Variants in SGTB observed in about 807,000 individuals in gnomAD.
SGTB encodes the protein small glutamine rich tetratricopeptide repeat co-chaperone beta, also known as small glutamine-rich tetratricopeptide repeat-containing protein beta.
SGTB carries 19 observed loss-of-function variants against 43.9 expected under a neutral mutation model. That is an observed-to-expected ratio of 0.43 (90% confidence interval 0.30 to 0.63). The LOEUF is 0.63. Ranked by LOEUF, SGTB falls within the 30% of genes least tolerant of loss-of-function variation. The probability of loss-of-function intolerance (pLI) is 0.12; values close to 1 mark genes in which losing one functional copy is unlikely to be tolerated. For missense variants in SGTB, 304 were observed against 358.9 expected, an observed-to-expected ratio of 0.85 and a Z score of 1.24; for synonymous variants, 116 against 117.3, an observed-to-expected ratio of 0.99 and a Z score of 0.07.
At chr5:65,684,085 A>G (rs1187635534) in intron 6 of SGTB, among the ~76,000 whole-genome samples, 1 of 151,178 alleles carries the variant, frequency 6.6e-6, no homozygotes, top group African/African-American at 2.4e-5. Flanking sequence ...CCAACTAATG[A>G]TTTTTTTTCT....
Position 65,680,733 on chromosome 5 carries a change from C to G in SGTB, c.541G>C (p.Asp181His), listed in dbSNP as rs1757379811. ...EAVTSYQKAL[D>H]LDPENDSYKS... Reference sequence around the variant, plus strand: ...TAGGAATCATTTTCAGGGTCAAGATCTAATGCCTTTTGATAACTTGTAACT... The same window carrying G: ...TAGGAATCATTTTCAGGGTCAAGATGTAATGCCTTTTGATAACTTGTAACT... Residue 181 changes from aspartate to histidine, a missense_variant, in exon 7 of 11, where the codon GAT (aspartate) becomes CAT (histidine). By Grantham distance (81) the Asp-to-His change is moderately conservative. Transcript: ENST00000381007. 6.2e-7 allele frequency: 1 copy of G among 1,613,934 alleles called. No homozygotes were observed. The highest frequency in any genetic ancestry group is 8.5e-7 in the Non-Finnish European group (1 of 1,180,002).
At chr5:65,672,408 G>T (rs1445791741) in intron 8 of SGTB, 127 bp from the exon 9 acceptor site, 1 of 1,134,392 alleles carries the variant, frequency 8.8e-7, no homozygotes, top group Non-Finnish European at 1.3e-6. Context: ...GTTTCAGTGT[G>T]CTATGCAAAG....
At chr5:65,679,955 C>A (rs1757361574) in intron 8 of SGTB, among the ~76,000 whole-genome samples, 2 of 152,196 alleles carry the variant, frequency 1.3e-5, no homozygotes, top group Non-Finnish European at 2.9e-5. Flanking sequence ...AAATGCGGTA[C>A]ATATACACCA....
Position 65,666,777 on chromosome 5 carries a change from T to C in SGTB, c.*3469A>G, listed in dbSNP as rs977676456. ...TACAGGTGGTATATTAGCAAAGAAA[T>C]AGAAAAATGAAATGGAAGAAATATA... On this transcript the variant is annotated 3_prime_UTR_variant, in exon 11 of 11. Coordinates refer to ENST00000381007, the MANE Select transcript of SGTB (RefSeq NM_019072.3). 6.6e-6 allele frequency: 1 copy of C among 152,074 alleles called. No homozygotes were observed. The highest frequency in any genetic ancestry group is 2.4e-5 in the African/African-American group (1 of 41,424). The allele number at this position is 152,074 out of a possible 1,614,324, so 9.4% of individuals were successfully genotyped here. A position where few individuals can be genotyped will look rare whatever the true frequency, so the allele number is the denominator to read the frequency against.
chr5:65,708,343 T>C, intron 4 of SGTB, 146 bp downstream of exon 4: 1 of 618,110 alleles, frequency 1.6e-6, no homozygotes. Context: ...TTCTTACCCA[T>C]CACATTCATT....
chr5:65,722,275 G>A, upstream of SGTB: 2 of 918,014 alleles, frequency 2.2e-6, no homozygotes, highest in Middle Eastern at 3.2e-4. Flanking sequence ...CTGCGGCTAG[G>A]CCGGCTCGAG....
chr5:65,721,491 A>G (rs1346344227), intron 1 of SGTB, among the ~76,000 whole-genome samples: 1 of 152,166 alleles, frequency 6.6e-6, no homozygotes, highest in African/African-American at 2.4e-5. Flanking sequence ...TTCACATGGA[A>G]TACTATCGCA....
At chr5:65,678,991 T>C (rs1757337065) in intron 8 of SGTB, among the ~76,000 whole-genome samples, 1 of 152,010 alleles carries the variant, frequency 6.6e-6, no homozygotes, top group African/African-American at 2.4e-5. Flanking sequence ...AATTGACAAA[T>C]GGGATCTAAT....
intron 5 of SGTB, among the ~76,000 whole-genome samples, chr5:65,689,058 C>A (rs1376893331): frequency 2.6e-5 from 4 of 152,196 alleles, no homozygotes; most frequent in Non-Finnish European, 5.9e-5. Flanking sequence ...GATCTGTCTG[C>A]CTCAGCCTCC....
intron 9 of SGTB, 100 bp downstream of exon 9, chr5:65,672,144 T>A: frequency 6.3e-7 from 1 of 1,587,698 alleles, no homozygotes; most frequent in Non-Finnish European, 8.6e-7. Flanking sequence ...CTGACTGTCA[T>A]TCAGAACAGT....
chr5:65,702,946 C>G (rs1757851064), intron 5 of SGTB, among the ~76,000 whole-genome samples: 1 of 152,074 alleles, frequency 6.6e-6, no homozygotes, highest in Non-Finnish European at 1.5e-5. Flanking sequence ...GTAGCCAAAA[C>G]AGATACATTC....
At chr5:65,721,467 C>A (rs1758277610) in intron 1 of SGTB, among the ~76,000 whole-genome samples, 1 of 152,194 alleles carries the variant, frequency 6.6e-6, no homozygotes, top group South Asian at 2.1e-4. Flanking sequence ...GCTGGAAGCT[C>A]CCGGTCATGT....
Position 65,668,907 on chromosome 5 carries a change from A to C in SGTB, c.*1339T>G, listed in dbSNP as rs190991419. ...GCAAAAGAGTAAGACTCCATCTCAA[A>C]AAAACCCCACAAAATTTATATTACT... On this transcript the variant is annotated 3_prime_UTR_variant, in exon 11 of 11. Transcript: ENST00000381007. The C allele has an allele frequency of 6.6e-6, 1 of 152,124 alleles. No individual in the cohort carries two copies. Among genetic ancestry groups the C allele is most frequent in the Non-Finnish European group, 1.5e-5 (1 of 68,018 alleles). 9.4% of individuals were successfully genotyped at this position (152,124 alleles called of 1,614,324 possible).
intron 4 of SGTB, among the ~76,000 whole-genome samples, chr5:65,707,749 T>A (rs1757964726): frequency 6.6e-6 from 1 of 152,136 alleles, no homozygotes; most frequent in African/African-American, 2.4e-5. Context: ...TATATTTTTT[T>A]AACTCAACTG....
At position 65,669,463 on chromosome 5, in the gene SGTB, T is replaced by C. The variant is rs1356555182; in HGVS notation, c.*783A>G. 1 of 152,202 alleles carries C rather than the reference T, an allele frequency of 6.6e-6. No individual in the cohort carries two copies. Among genetic ancestry groups the C allele is most frequent in the Non-Finnish European group, 1.5e-5 (1 of 68,024 alleles). 9.4% of individuals were successfully genotyped at this position (152,202 alleles called of 1,614,324 possible). On this transcript the variant is annotated 3_prime_UTR_variant, in exon 11 of 11. Transcript: ENST00000381007. The stretch of plus-strand genomic sequence containing the variant: ...TTGTACCACTGACCTAACCAGTACA[T>C]TAAGGATTTCTAAATGTATCTTATT...
chr5:65,700,542 G>A (rs1457332406), intron 5 of SGTB, among the ~76,000 whole-genome samples: 1 of 151,754 alleles, frequency 6.6e-6, no homozygotes, highest in African/African-American at 2.4e-5. Flanking sequence ...TTAGCCACGC[G>A]TGGTGGTGGG....
At chr5:65,678,078 G>T (rs1757317421) in intron 8 of SGTB, among the ~76,000 whole-genome samples, 1 of 152,126 alleles carries the variant, frequency 6.6e-6, no homozygotes, top group South Asian at 2.1e-4. Context: ...CAGATGACAG[G>T]ATCCTATATC....
chr5:65,676,229 A>AAAAAGAC (rs1757262071), intron 8 of SGTB, among the ~76,000 whole-genome samples: 2 of 152,188 alleles, frequency 1.3e-5, no homozygotes, highest in South Asian at 4.1e-4. Context: ...AAGAAGATCA[A>AAAAAGAC]AAAAGACAAA....
chr5:65,702,308 C>T (rs149359892), intron 5 of SGTB, among the ~76,000 whole-genome samples: 11 of 152,162 alleles, frequency 7.2e-5, no homozygotes, highest in Non-Finnish European at 1.2e-4. Flanking sequence ...AGTAGGAAGA[C>T]AAGGATGAGA....
Sources: allele counts gnomAD v4.1 joint callset (sites outside exome capture counted in the v4.1 genomes callset), GRCh38; gene constraint gnomAD v4.1.1; transcripts MANE v1.5; gene names NCBI Gene and HGNC (gene_info 2026-07-23, HGNC 2026-07-21).